FYCO1: variants seen among roughly 807,000 people sequenced by gnomAD.
FYCO1 encodes FYVE and coiled-coil domain-containing protein 1.
FYCO1 carries 122 observed loss-of-function variants against 165.1 expected under a neutral mutation model. That is an observed-to-expected ratio of 0.74 (90% CI 0.64 to 0.86). FYCO1 has a LOEUF of 0.86. Among genes scored for constraint, FYCO1 ranks in the 40% least tolerant of loss-of-function variants. The pLI is 0.00. For missense variants in FYCO1, 1,702 were observed against 1,810.3 expected (o/e 0.94, Z 1.09); for synonymous variants, 648 against 742.5 (o/e 0.87, Z 2.07).
rs775035519 is a variant in FYCO1 at position 45,967,022 on chromosome 3, A to G, written c.2312T>C (p.Leu771Pro). The G allele has an allele frequency of 6.2e-7, 1 of 1,613,242 alleles. No individual in the cohort carries two copies. Among genetic ancestry groups the G allele is most frequent in the Non-Finnish European group, 8.5e-7 (1 of 1,179,996 alleles). The change falls in exon 8 of 18, where the codon CTA becomes CCA. Residue 771 changes from leucine to proline, a missense_variant. By Grantham distance (98) the Leu-to-Pro change is moderately conservative. Coordinates refer to ENST00000296137, the MANE Select transcript of FYCO1 (RefSeq NM_024513.4). ...TTCCAGCTGCGCCTGAGACAGGGCTAGCTGGGCAGCCAGCTCACGGGCTTC... is the reference window on the plus strand; with the variant it reads ...TTCCAGCTGCGCCTGAGACAGGGCTGGCTGGGCAGCCAGCTCACGGGCTTC... ...DNEARELAAQ[L>P]ALSQAQLEVH...
rs145130484 is a variant in FYCO1 at position 45,957,508 on chromosome 3, A to G, written c.3799+900T>C. Reference sequence around the variant, plus strand: ...TTGGGAAAAAATACTTGTAAAATACATATGTGACAAAGAACTTGCATAGAG... The same window carrying G: ...TTGGGAAAAAATACTTGTAAAATACGTATGTGACAAAGAACTTGCATAGAG... On this transcript the variant is annotated intron_variant, in intron 13 of 17. Coordinates refer to ENST00000296137, the MANE Select transcript of FYCO1 (RefSeq NM_024513.4). Among the ~76,000 whole-genome samples, 76 of 152,400 alleles carry G rather than the reference A, an allele frequency of 5.0e-4. No homozygotes were observed. The East Asian group carries it at 0.014, about 27-fold the overall frequency.
intron 14 of FYCO1, chr3:45,943,549 T>A (rs1295096495): frequency 1.3e-5 from 2 of 152,172 alleles, no homozygotes; most frequent in Non-Finnish European, 2.9e-5. Context: ...TGGTGAGTCA[T>A]TTGTTTTACT....
chr3:45,981,677 CTT>C lies in FYCO1; in HGVS notation c.56-3_56-2del. 6.2e-7 allele frequency: 1 copy of C among 1,600,772 alleles called. No individual in the cohort carries two copies. The highest frequency in any genetic ancestry group is 8.6e-7 in the Non-Finnish European group (1 of 1,167,828). On this transcript the variant is annotated splice_acceptor_variant and splice_polypyrimidine_tract_variant and intron_variant, in intron 2 of 17. Transcript: ENST00000296137. LOFTEE classifies it high-confidence loss of function. The stretch of plus-strand genomic sequence containing the variant: ...TCTTTGCTTAGTTCTGTCACAGCAT[CTT>C]TAAGACAACAAATAGGAACATGTAA...
Position 45,967,176 on chromosome 3 carries a change from G to A in FYCO1, c.2158C>T (p.Gln720Ter). Reference protein sequence around the residue: ...QQLREEVEQCQQLAEARHREL... With the variant: ...QQLREEVEQC ...CTGTGCCGGGCTTCTGCCAGTTGCT[G>A]GCACTGCTCCACCTCCTCCCGCAGC... The change falls in exon 8 of 18, where the codon CAG becomes TAG. Residue 720 changes from glutamine (Q) to a stop codon, truncating the protein, a stop_gained. Coordinates refer to ENST00000296137, the MANE Select transcript of FYCO1 (RefSeq NM_024513.4). LOFTEE classifies it high-confidence loss of function. 6.2e-7 allele frequency: 1 copy of A among 1,613,646 alleles called. No homozygotes were observed. The highest frequency in any genetic ancestry group is 2.2e-5 in the East Asian group (1 of 44,870).
At chr3:45,925,874 T>C (rs930791515) in intron 16 of FYCO1, among the ~76,000 whole-genome samples, 35 of 152,318 alleles carry the variant, frequency 2.3e-4, no homozygotes, top group Non-Finnish European at 2.5e-4. Flanking sequence ...TGGCTGTTCC[T>C]GGCAGTGGAG....
Position 45,968,401 on chromosome 3 carries a change from A to G in FYCO1, c.933T>C (p.Thr311=), listed in dbSNP as rs202166104. ...GCAGGCATGTCTGCAGCTCCTTCAC[A>G]GTGTTCTGGGTGGCCTGGGTGACCT... ...QWEVTQATQN[T]VKELQTCLQG... is the part of the protein sequence containing the mutation. The change falls in exon 8 of 18, where the codon ACT becomes ACC. Residue 311 remains threonine, a synonymous_variant. Transcript: ENST00000296137. 1.2e-6 allele frequency: 2 copies of G among 1,613,670 alleles called. No homozygotes were observed. Among genetic ancestry groups the G allele is most frequent in the African/African-American group, 2.7e-5 (2 of 75,036 alleles).
intron 13 of FYCO1, among the ~76,000 whole-genome samples, chr3:45,957,993 A>C (rs1012392302): frequency 3.3e-5 from 5 of 152,208 alleles, no homozygotes; most frequent in Admixed American, 2.0e-4. Flanking sequence ...AGGAGATTAC[A>C]TCCTCCTTGG....
At chr3:45,931,469 G>A (rs866931515) in intron 15 of FYCO1, among the ~76,000 whole-genome samples, 188 bp from the exon 16 acceptor site, 1 of 152,158 alleles carries the variant, frequency 6.6e-6, no homozygotes, top group African/African-American at 2.4e-5. Flanking sequence ...CTTCCTGAGC[G>A]CTAACTACAT....
intron 4 of FYCO1, among the ~76,000 whole-genome samples, chr3:45,978,748 T>C (rs1706890739): frequency 6.6e-6 from 1 of 152,134 alleles, no homozygotes; most frequent in East Asian, 1.9e-4. Flanking sequence ...CTGGATGGAA[T>C]AGGCTGAGGA....
intron 14 of FYCO1, among the ~76,000 whole-genome samples, chr3:45,942,000 T>C (rs1278004243): frequency 2.0e-5 from 3 of 152,266 alleles, no homozygotes; most frequent in African/African-American, 7.2e-5. Flanking sequence ...CACCATTCCC[T>C]ACATCCATCT....
At position 45,966,585 on chromosome 3, in the gene FYCO1, C is replaced by G; in HGVS notation, c.2749G>C (p.Val917Leu). The G allele has an allele frequency of 6.2e-7, 1 of 1,614,222 alleles. No homozygotes were observed. Among genetic ancestry groups the G allele is most frequent in the Non-Finnish European group, 8.5e-7 (1 of 1,180,040 alleles). Reference protein sequence around the residue: ...ELGIQVCALTVEKERVEEALA... With the variant: ...ELGIQVCALTLEKERVEEALA... ...GCCTCCTCCACTCGCTCCTTTTCCA[C>G]GGTCAGTGCGCAAACCTGGATGCCC... The change falls in exon 8 of 18, where the codon GTG (valine) becomes CTG (leucine). Residue 917 changes from valine to leucine, a missense_variant. Transcript: ENST00000296137.
Position 45,967,308 on chromosome 3 carries a change from G to A in FYCO1, c.2026C>T (p.Gln676Ter). The A allele has an allele frequency of 1.9e-6, 3 of 1,613,730 alleles. No individual in the cohort carries two copies. Among genetic ancestry groups the A allele is most frequent in the Non-Finnish European group, 2.5e-6 (3 of 1,179,868 alleles). ...ACAGCCAGCAAGCTCGCCTCCATCT[G>A]GTCACCCAAGTGCCGGATGCTGGCC... ...EQASIRHLGD[Q>*]MEASLLAVRK... The change falls in exon 8 of 18, where the codon CAG becomes TAG. Residue 676 changes from glutamine (Q) to a stop codon, truncating the protein, a stop_gained. Coordinates refer to ENST00000296137, the MANE Select transcript of FYCO1 (RefSeq NM_024513.4). LOFTEE classifies it high-confidence loss of function.
rs535075772 is a variant in FYCO1 at position 45,918,047 on chromosome 3, T to C, written c.*3718A>G. ...GAGCAGGTGGGGTGCTGGTATTTGATGTGCTTCTAGATAATTCTTTGGCAG... is the reference window on the plus strand; with the variant it reads ...GAGCAGGTGGGGTGCTGGTATTTGACGTGCTTCTAGATAATTCTTTGGCAG... On this transcript the variant is annotated 3_prime_UTR_variant, in exon 18 of 18. Transcript: ENST00000296137. 6.5e-6 allele frequency: 1 copy of C among 152,766 alleles called. No homozygotes were observed. The highest frequency in any genetic ancestry group is 2.1e-4 in the South Asian group (1 of 4,828). The allele number at this position is 152,766 out of a possible 1,614,324, so 9.5% of individuals were successfully genotyped here.
At chr3:45,938,814 A>G (rs1704040446) in intron 14 of FYCO1, among the ~76,000 whole-genome samples, 1 of 152,236 alleles carries the variant, frequency 6.6e-6, no homozygotes, top group Non-Finnish European at 1.5e-5. Context: ...TTTTGACCAT[A>G]TGTATACACA....
At chr3:45,958,898 A>G (rs1705525109) in intron 12 of FYCO1, among the ~76,000 whole-genome samples, 1 of 152,204 alleles carries the variant, frequency 6.6e-6, no homozygotes, top group South Asian at 2.1e-4. Context: ...TATGCCTCCC[A>G]TATCTCAGAA....
Position 45,981,696 on chromosome 3 carries a change from AAC to A in FYCO1, c.56-22_56-21del. 6.6e-7 allele frequency: 1 copy of A among 1,513,010 alleles called. No homozygotes were observed. Among genetic ancestry groups the A allele is most frequent in the Non-Finnish European group, 9.2e-7 (1 of 1,087,784 alleles). The allele number at this position is 1,513,010 out of a possible 1,614,324, so 93.7% of individuals were successfully genotyped here. A position where few individuals can be genotyped will look rare whatever the true frequency, so the allele number is the denominator to read the frequency against. On this transcript the variant is annotated intron_variant, in intron 2 of 17. Coordinates refer to ENST00000296137, the MANE Select transcript of FYCO1 (RefSeq NM_024513.4). ...CAGCATCTTTAAGACAACAAATAGG[AAC>A]ATGTAACCAGATAGTGACTAAACTC...
chr3:45,949,942 T>C (rs574041011), intron 14 of FYCO1, among the ~76,000 whole-genome samples: 3 of 152,072 alleles, frequency 2.0e-5, no homozygotes, highest in East Asian at 1.9e-4. Flanking sequence ...TTCCCCTGGA[T>C]AGGGGAATAA....
At chr3:45,938,583 T>C (rs895905410) in intron 14 of FYCO1, among the ~76,000 whole-genome samples, 4 of 152,212 alleles carry the variant, frequency 2.6e-5, no homozygotes, top group Non-Finnish European at 4.4e-5. Context: ...AACATCCGAC[T>C]CCCTGGTTCA....
At position 45,959,467 on chromosome 3, in the gene FYCO1, G is replaced by A. The variant is rs755320815; in HGVS notation, c.3513C>T (p.Leu1171=). ...GGCAGTGGTTTGCCTCTGTGTCTCCGAGCCATCTCTCCTCAGCACTGAGCT... is the reference window on the plus strand; with the variant it reads ...GGCAGTGGTTTGCCTCTGTGTCTCCAAGCCATCTCTCCTCAGCACTGAGCT... ...QQKLSAEERW[L]GDTEANHCLD... Residue 1171 remains leucine, a synonymous_variant, in exon 12 of 18, where the codon CTC becomes CTT. Transcript: ENST00000296137. The A allele has an allele frequency of 6.2e-6, 10 of 1,613,988 alleles. No homozygotes were observed. Among genetic ancestry groups the A allele is most frequent in the East Asian group, 2.2e-5 (1 of 44,870 alleles).
Sources: allele counts gnomAD v4.1 joint callset (sites outside exome capture counted in the v4.1 genomes callset), GRCh38; gene constraint gnomAD v4.1.1; transcripts MANE v1.5; gene names NCBI Gene and HGNC (gene_info 2026-07-23, HGNC 2026-07-21).